The following KCNH5 variants were observed in gnomAD, a reference collection of about 807,000 sequenced individuals.
KCNH5 encodes the protein potassium voltage-gated channel subfamily H member 5.
In KCNH5, 46 loss-of-function variants were observed where a neutral mutation model predicts 96.1. The ratio of observed to expected loss-of-function variants is 0.48; its 90% CI spans 0.38 to 0.61. The LOEUF (loss-of-function observed/expected upper bound fraction) is 0.61, where lower values mean the gene tolerates loss of function less well. KCNH5 is among the 20% of genes least tolerant of loss of function. The pLI is 0.00. For missense variants in KCNH5, 907 were observed against 1,225.8 expected (o/e 0.74, Z 3.88); for synonymous variants, 439 against 449.8 (o/e 0.98, Z 0.30).
intron 7 of KCNH5, among the ~76,000 whole-genome samples, chr14:62,863,893 G>C (rs1284468578): frequency 6.6e-6 from 1 of 152,044 alleles, no homozygotes; most frequent in African/African-American, 2.4e-5. Context: ...ATATGTATCT[G>C]AATGTGAGGG....
At chr14:62,750,918 A>G (rs1028482128) in intron 10 of KCNH5, among the ~76,000 whole-genome samples, 10 of 152,106 alleles carry the variant, frequency 6.6e-5, no homozygotes, top group African/African-American at 2.4e-4. Flanking sequence ...AGCTACTTCT[A>G]TCTGTAAACC....
intron 1 of KCNH5, among the ~76,000 whole-genome samples, chr14:63,036,233 T>C (rs1007221846): frequency 6.6e-6 from 1 of 152,194 alleles, no homozygotes; most frequent in African/African-American, 2.4e-5. Flanking sequence ...AGTTCTTTCT[T>C]TGGTCCATCA....
At chr14:62,796,742 C>T (rs1370536118) in intron 9 of KCNH5, among the ~76,000 whole-genome samples, 1 of 152,072 alleles carries the variant, frequency 6.6e-6, no homozygotes, top group Admixed American at 6.6e-5. Flanking sequence ...CCAACATGAT[C>T]GGGACACAGC....
chr14:62,997,899 C>CAAAAAA (rs568941043), intron 4 of KCNH5, among the ~76,000 whole-genome samples: 9 of 60,808 alleles, frequency 1.5e-4, no homozygotes, highest in African/African-American at 5.5e-4. Flanking sequence ...GACTCCATCT[C>CAAAAAA]AAAAAAAAAA....
At chr14:63,019,660 C>T (rs1259635984) in intron 1 of KCNH5, among the ~76,000 whole-genome samples, 4 of 151,872 alleles carry the variant, frequency 2.6e-5, no homozygotes, top group South Asian at 2.1e-4. Context: ...ATGACCCCTA[C>T]CTCATACACA....
At chr14:62,829,389 C>A (rs1339057103) in intron 8 of KCNH5, among the ~76,000 whole-genome samples, 1 of 152,184 alleles carries the variant, frequency 6.6e-6, no homozygotes. Context: ...AAGGGCTCCA[C>A]CCCTGCAGCA....
chr14:62,903,407 G>A (rs117253734), intron 7 of KCNH5, among the ~76,000 whole-genome samples: 3,212 of 152,228 alleles, frequency 0.021, 58 homozygotes, highest in East Asian at 0.08. Context: ...CCAATACAGC[G>A]ACTGTCCATT....
At chr14:63,026,455 C>T (rs1253339572) in intron 1 of KCNH5, among the ~76,000 whole-genome samples, 1 of 151,768 alleles carries the variant, frequency 6.6e-6, no homozygotes, top group Non-Finnish European at 1.5e-5. Context: ...TATCTACAAA[C>T]CAAACATATA....
At chr14:62,805,726 C>T (rs1886753038) in intron 8 of KCNH5, among the ~76,000 whole-genome samples, 2 of 152,060 alleles carry the variant, frequency 1.3e-5, no homozygotes, top group Admixed American at 1.3e-4. Context: ...TTCATAGTTA[C>T]AAACAAATAA....
chr14:62,914,720 T>G (rs1398029176), intron 7 of KCNH5, among the ~76,000 whole-genome samples: 1 of 152,192 alleles, frequency 6.6e-6, no homozygotes, highest in Non-Finnish European at 1.5e-5. Flanking sequence ...CAGACATCAC[T>G]GGTACCATGA....
intron 10 of KCNH5, among the ~76,000 whole-genome samples, chr14:62,752,302 C>A (rs910960663): frequency 2.0e-5 from 3 of 151,888 alleles, no homozygotes; most frequent in South Asian, 4.1e-4. Context: ...AAGGAAAGAC[C>A]CCTTCTGCTT....
intron 7 of KCNH5, among the ~76,000 whole-genome samples, chr14:62,897,919 C>T (rs771060656): frequency 6.6e-6 from 1 of 152,018 alleles, no homozygotes; most frequent in African/African-American, 2.4e-5. Context: ...CAAACCAATA[C>T]TAACCACAGA....
rs572126581 is a variant in KCNH5, at chr14:62,802,311, T to G, written c.1822+18A>C. 148 of 1,609,572 alleles carry G rather than the reference T, an allele frequency of 9.2e-5. 1 individual carries two copies. The South Asian group carries it at 1.5e-3, about 16-fold the overall frequency. On this transcript the variant is annotated intron_variant, in intron 9 of 10. Coordinates refer to ENST00000322893, the MANE Select transcript of KCNH5 (RefSeq NM_139318.5). ...TGTTACTACGCATTTGCTACTACATTAGGAAAGTTCACAGTACCTAAAATA... is the reference window on the plus strand; with the variant it reads ...TGTTACTACGCATTTGCTACTACATGAGGAAAGTTCACAGTACCTAAAATA...
chr14:62,977,221 G>T (rs1291648990), intron 6 of KCNH5, among the ~76,000 whole-genome samples: 1 of 151,982 alleles, frequency 6.6e-6, no homozygotes, highest in East Asian at 1.9e-4. Context: ...AAAAAAATTA[G>T]CCGAGTGTGG....
intron 6 of KCNH5, among the ~76,000 whole-genome samples, chr14:62,952,723 C>A (rs1890030228): frequency 6.6e-6 from 1 of 152,046 alleles, no homozygotes; most frequent in Non-Finnish European, 1.5e-5. Flanking sequence ...CCCATTCAAA[C>A]TAAGAAAGCC....
intron 10 of KCNH5, among the ~76,000 whole-genome samples, chr14:62,778,648 CT>C (rs1178772131): frequency 6.6e-6 from 1 of 152,228 alleles, no homozygotes; most frequent in African/African-American, 2.4e-5. Flanking sequence ...AACTATAGGT[CT>C]ATTGAGCATA....
intron 7 of KCNH5, among the ~76,000 whole-genome samples, chr14:62,898,346 A>G (rs962818863): frequency 1.2e-4 from 19 of 152,210 alleles, no homozygotes; most frequent in African/African-American, 3.9e-4. Flanking sequence ...GAAGGTAAAG[A>G]CACTCATTAA....
intron 6 of KCNH5, among the ~76,000 whole-genome samples, chr14:62,977,868 A>G (rs926897343): frequency 3.3e-5 from 5 of 152,216 alleles, no homozygotes; most frequent in African/African-American, 1.2e-4. Flanking sequence ...CCTTTGGACT[A>G]CAATGCAGTT....
At chr14:63,043,423 T>A (rs1295919679) in intron 1 of KCNH5, among the ~76,000 whole-genome samples, 1 of 152,176 alleles carries the variant, frequency 6.6e-6, no homozygotes, top group Admixed American at 6.5e-5. Flanking sequence ...CTAATTCCAA[T>A]AATCCACACA....
Sources: allele counts gnomAD v4.1 joint callset (sites outside exome capture counted in the v4.1 genomes callset), GRCh38; gene constraint gnomAD v4.1.1; transcripts MANE v1.5; gene names NCBI Gene and HGNC (gene_info 2026-07-23, HGNC 2026-07-21).